ABCA3: variants seen among roughly 807,000 people sequenced by gnomAD.
The protein encoded by ABCA3 is phospholipid-transporting ATPase ABCA3.
In ABCA3, 88 loss-of-function variants were observed where a neutral mutation model predicts 172.8. That is an observed-to-expected ratio of 0.51 (90% CI 0.43 to 0.61). ABCA3 has a LOEUF of 0.61. ABCA3 is among the 20% of genes least tolerant of loss of function. ABCA3 has a pLI of 0.00. For missense variants in ABCA3, 2,164 were observed against 2,301.0 expected (o/e 0.94, Z 1.22); for synonymous variants, 1,066 against 983.8 (o/e 1.08, Z -1.56).
chr16:2,279,019 T>C lies in ABCA3; in HGVS notation c.4471A>G (p.Ile1491Val). 1.2e-6 allele frequency: 2 copies of C among 1,613,536 alleles called. No homozygotes were observed. Among genetic ancestry groups the C allele is most frequent in the Non-Finnish European group, 8.5e-7 (1 of 1,180,034 alleles). Residue 1491 changes from isoleucine (I) to valine (V), a missense_variant, in exon 29 of 33, where the codon ATC (isoleucine) becomes GTC (valine). Ile to Val is a conservative substitution (Grantham distance 29). This residue lies in a region of ABCA3 where 795 missense variants were observed against 881.9 expected (regional missense o/e 0.90). Coordinates refer to ENST00000301732, the MANE Select transcript of ABCA3 (RefSeq NM_001089.3). The surrounding 1 kb of genome is among the most constrained non-coding windows in gnomAD (Gnocchi z 4.4). ...ARLRGIPERH[I>V]GACVENTLRG... ...AGAGTGTTCTCCACGCAGGCCCCGATGTGGCGCTCAGGGATGCCCCGGAGC... is the reference window on the plus strand; with the variant it reads ...AGAGTGTTCTCCACGCAGGCCCCGACGTGGCGCTCAGGGATGCCCCGGAGC...
intron 18 of ABCA3, among the ~76,000 whole-genome samples, chr16:2,293,355 T>C (rs1290790946): frequency 6.8e-6 from 1 of 146,286 alleles, no homozygotes; most frequent in Non-Finnish European, 1.5e-5. Context: ...CTACCGTGCC[T>C]GGCCAAAATG....
At position 2,277,610 on chromosome 16, in the gene ABCA3, A is replaced by G; in HGVS notation, c.4970T>C (p.Leu1657Pro). 1 of 1,613,102 alleles carries G rather than the reference A, an allele frequency of 6.2e-7. No individual in the cohort carries two copies. The highest frequency in any genetic ancestry group is 1.1e-5 in the South Asian group (1 of 91,080). ...GGACTGCCTCACCTTCGCCCAGCTGAGGTCACGGCCCGGCAGGTGGTAATG... is the reference window on the plus strand; with the variant it reads ...GGACTGCCTCACCTTCGCCCAGCTGGGGTCACGGCCCGGCAGGTGGTAATG... The part of the protein sequence containing the change: ...MVHYHLPGRD[L>P]SWAKVFGILE... The change falls in exon 32 of 33, where the codon CTC becomes CCC. Residue 1657 changes from leucine to proline, a missense_variant. This residue lies in a region of ABCA3 where 795 missense variants were observed against 881.9 expected (regional missense o/e 0.90). Transcript: ENST00000301732. The surrounding 1 kb of genome is among the most constrained non-coding windows in gnomAD (Gnocchi z 5.3).
chr16:2,290,461 G>A (rs1261552711), intron 19 of ABCA3, among the ~76,000 whole-genome samples: 5 of 152,162 alleles, frequency 3.3e-5, no homozygotes, highest in African/African-American at 9.7e-5. Context: ...CAGGTGGGCC[G>A]TGTGGTGAGT....
Position 2,297,686 on chromosome 16 carries a change from A to G in ABCA3, c.2052+80T>C. 1 of 1,597,568 alleles carries G rather than the reference A, an allele frequency of 6.3e-7. No homozygotes were observed. The highest frequency in any genetic ancestry group is 8.5e-7 in the Non-Finnish European group (1 of 1,177,262). On this transcript the variant is annotated intron_variant, in intron 16 of 32. Coordinates refer to ENST00000301732, the MANE Select transcript of ABCA3 (RefSeq NM_001089.3). This position sits in a 1 kb window ranked among gnomAD's most constrained non-coding sequence, Gnocchi z 5.6. ...GGCCTTGTCTGGGGTGTCAAGGGCC[A>G]AGGTGCCCGGGCCATGGCGGAAGGG...
chr16:2,293,815 A>G (rs1317986835), intron 18 of ABCA3, among the ~76,000 whole-genome samples: 1 of 150,676 alleles, frequency 6.6e-6, no homozygotes, highest in East Asian at 2.0e-4. Context: ...CTGGGATTAC[A>G]GGTGTGAGCC....
intron 12 of ABCA3, among the ~76,000 whole-genome samples, chr16:2,301,092 G>A (rs323039): frequency 0.96 from 145,120 of 150,550 alleles, 70,098 homozygotes; most frequent in East Asian, 1. Context: ...TTAGCCGGGC[G>A]TGGTGGTGGG....
chr16:2,289,510 CAGA>C lies in ABCA3; in HGVS notation c.2621_2623del (p.Leu874_Cys875delinsArg). The stretch of plus-strand genomic sequence containing the variant: ...GCCGTCGGAGGGGTCCATGGCCCCA[CAGA>C]GGTTGCTGTCCACAGCCCAGTCGCT... On this transcript the variant is annotated inframe_deletion, in exon 20 of 33. Coordinates refer to ENST00000301732, the MANE Select transcript of ABCA3 (RefSeq NM_001089.3). 1 of 1,590,018 alleles carries C rather than the reference CAGA, an allele frequency of 6.3e-7. No individual in the cohort carries two copies. Among genetic ancestry groups the C allele is most frequent in the Non-Finnish European group, 8.5e-7 (1 of 1,169,692 alleles).
intron 10 of ABCA3, among the ~76,000 whole-genome samples, chr16:2,315,234 A>G (rs2093713259): frequency 6.6e-6 from 1 of 151,612 alleles, no homozygotes; most frequent in South Asian, 2.1e-4. Context: ...ACACACACAC[A>G]CACACACACA....
intron 10 of ABCA3, 123 bp downstream of exon 10, chr16:2,317,160 C>G (rs780499343): frequency 7.0e-7 from 1 of 1,429,666 alleles, no homozygotes. Flanking sequence ...TTCCCCTGGT[C>G]AGCTCCTCCC....
chr16:2,281,158 C>T lies in ABCA3; in HGVS notation c.4228G>A (p.Glu1410Lys). 2 of 1,613,850 alleles carry T rather than the reference C, an allele frequency of 1.2e-6. No individual in the cohort carries two copies. The highest frequency in any genetic ancestry group is 1.7e-6 in the Non-Finnish European group (2 of 1,180,044). ...TTGAAGCCCAGCAGGCCGAAGCACT[C>T]CCCTTTCTGCACCGCGAGGGAGAGC... is the stretch of plus-strand genomic sequence containing the variant. ...DRLSLAVQKGECFGLLGFNGA... is the reference protein window; with the variant it reads ...DRLSLAVQKGKCFGLLGFNGA... The change falls in exon 28 of 33, where the codon GAG becomes AAG. Residue 1410 changes from glutamate to lysine, a missense_variant. Glu to Lys is a moderately conservative substitution (Grantham distance 56). Transcript: ENST00000301732. This position sits in a 1 kb window ranked among gnomAD's most constrained non-coding sequence, Gnocchi z 4.7.
intron 19 of ABCA3, among the ~76,000 whole-genome samples, 158 bp from the exon 20 acceptor site, chr16:2,289,778 C>A (rs567754371): frequency 1.3e-5 from 2 of 152,310 alleles, no homozygotes; most frequent in Admixed American, 1.3e-4. Flanking sequence ...TGTCTCCGGC[C>A]ACCATGCACA....
At chr16:2,319,210 G>A (rs539731326) in intron 8 of ABCA3, among the ~76,000 whole-genome samples, 20 of 152,232 alleles carry the variant, frequency 1.3e-4, no homozygotes, top group African/African-American at 3.9e-4. Flanking sequence ...CTCCGGCCGG[G>A]CACGGTGGCT....
rs148171587 is a variant in ABCA3 at position 2,319,409 on chromosome 16, C to T, written c.873+172G>A. On this transcript the variant is annotated intron_variant, in intron 8 of 32. Coordinates refer to ENST00000301732, the MANE Select transcript of ABCA3 (RefSeq NM_001089.3). ...CTGAGGCAGGAGAATGGCGTGAACC[C>T]GGGAGGCAGAGCTTGCAGTGAGCCG... Among the ~76,000 whole-genome samples the T allele has an allele frequency of 0.018, 2,690 of 151,172 alleles. 89 individuals are homozygous for T. The highest frequency in any genetic ancestry group is 0.062 in the African/African-American group (2,537 of 41,226).
At chr16:2,280,921 A>G in intron 28 of ABCA3, 106 bp downstream of exon 28, 1 of 1,459,858 alleles carries the variant, frequency 6.8e-7, no homozygotes, top group East Asian at 2.3e-5. Flanking sequence ...TTCAAGCCAC[A>G]GATGCAGCAG....
In ABCA3 at chr16:2,281,346, G is replaced by A; in HGVS notation, c.4164+35C>T. On this transcript the variant is annotated intron_variant, in intron 27 of 32. Transcript: ENST00000301732. The surrounding 1 kb of genome is among the most constrained non-coding windows in gnomAD (Gnocchi z 4.7). ...CCTGGGGACAGCCAGGTAGTCAGCT[G>A]GCAGGAAGGACTCCACCCCAAATTG... The A allele has an allele frequency of 3.1e-6, 5 of 1,613,454 alleles. No homozygotes were observed. The highest frequency in any genetic ancestry group is 4.2e-6 in the Non-Finnish European group (5 of 1,179,930).
chr16:2,317,830 C>T, intron 8 of ABCA3, 66 bp from the exon 9 acceptor site: 2 of 1,490,132 alleles, frequency 1.3e-6, no homozygotes, highest in South Asian at 1.1e-5. Context: ...ATGTGCCAGG[C>T]TGGACGGCAG....
chr16:2,278,798 G>T lies in ABCA3; in HGVS notation c.4547+145C>A. 8.0e-7 allele frequency: 1 copy of T among 1,242,348 alleles called. No homozygotes were observed. The highest frequency in any genetic ancestry group is 1.2e-6 in the Non-Finnish European group (1 of 868,372). 77.0% of individuals were successfully genotyped at this position (1,242,348 alleles called of 1,614,324 possible). A position where few individuals can be genotyped will look rare whatever the true frequency, so the allele number is the denominator to read the frequency against. ...GTCCCTTTCCTACGTGGAGCTACCT[G>T]GGTCACACCACCACATCCCAGCTCC... On this transcript the variant is annotated intron_variant, in intron 29 of 32. Coordinates refer to ENST00000301732, the MANE Select transcript of ABCA3 (RefSeq NM_001089.3). This position sits in a 1 kb window ranked among gnomAD's most constrained non-coding sequence, Gnocchi z 4.4.
At chr16:2,308,805 C>G (rs1027330543) in intron 10 of ABCA3, among the ~76,000 whole-genome samples, 182 bp from the exon 11 acceptor site, 1 of 152,128 alleles carries the variant, frequency 6.6e-6, no homozygotes, top group East Asian at 1.9e-4. Context: ...GCCGGCAGCC[C>G]CTTCTCCAAG....
rs143968793 is a variant in ABCA3, at chr16:2,288,407, C to A, written c.2701-78G>T. ...GACCCCCACCCACCTGCGGCAGGTG[C>A]TGTTCTGTGTGACGCCAGCCTGGGG... On this transcript the variant is annotated intron_variant, in intron 20 of 32. Coordinates refer to ENST00000301732, the MANE Select transcript of ABCA3 (RefSeq NM_001089.3). 2.7e-6 allele frequency: 4 copies of A among 1,475,484 alleles called. No individual in the cohort carries two copies. The African/African-American group carries it at 5.6e-5, about 21-fold the overall frequency. 91.4% of individuals were successfully genotyped at this position (1,475,484 alleles called of 1,614,324 possible).
Sources: allele counts gnomAD v4.1 joint callset (sites outside exome capture counted in the v4.1 genomes callset), GRCh38; gene constraint gnomAD v4.1.1; regional missense constraint gnomAD v4.1.1; non-coding constraint Gnocchi (gnomAD v3.1); transcripts MANE v1.5; gene names NCBI Gene and HGNC (gene_info 2026-07-23, HGNC 2026-07-21).